NRG3: variants seen among roughly 807,000 people sequenced by gnomAD.
NRG3 encodes the protein neuregulin 3.
Under a neutral mutation model 66.9 loss-of-function variants are expected in NRG3, and 31 were observed. The ratio of observed to expected loss-of-function variants is 0.46; its 90% CI spans 0.35 to 0.63. The LOEUF (loss-of-function observed/expected upper bound fraction) is 0.63. Ranked by LOEUF, NRG3 falls within the 20% of genes least tolerant of loss-of-function variation. The probability of loss-of-function intolerance (pLI) is 0.00; values close to 1 mark genes in which losing one functional copy is unlikely to be tolerated. For synonymous variants in NRG3, 393 were observed against 359.4 expected (o/e 1.09, Z -1.06); for missense variants, 910 against 878.9 (o/e 1.04, Z -0.45).
intron 1 of NRG3, among the ~76,000 whole-genome samples, chr10:82,231,678 C>G (rs753497947): frequency 5.3e-5 from 8 of 152,074 alleles, no homozygotes; most frequent in Non-Finnish European, 1.0e-4. Context: ...ACAGAAATTT[C>G]AGGGCAAAAG....
At chr10:81,899,967 C>A (rs960411491) in intron 1 of NRG3, among the ~76,000 whole-genome samples, 6 of 150,290 alleles carry the variant, frequency 4.0e-5, no homozygotes, top group African/African-American at 1.5e-4. Context: ...CTAGGTTTTT[C>A]TTTCTTTTTT....
At chr10:82,919,073 G>GTGTA (rs1208242664) in intron 4 of NRG3, among the ~76,000 whole-genome samples, 4 of 147,740 alleles carry the variant, frequency 2.7e-5, no homozygotes, top group African/African-American at 1.0e-4. Context: ...GTGTGTGTGT[G>GTGTA]TGTGTGTGTG....
At chr10:82,315,802 A>T (rs547766329) in intron 1 of NRG3, among the ~76,000 whole-genome samples, 4 of 151,518 alleles carry the variant, frequency 2.6e-5, no homozygotes, top group African/African-American at 9.7e-5. Flanking sequence ...AGTAACTGGG[A>T]TTACAGGTGT....
chr10:82,551,752 C>G (rs73311951), intron 2 of NRG3, among the ~76,000 whole-genome samples: 16 of 152,112 alleles, frequency 1.1e-4, no homozygotes, highest in African/African-American at 3.9e-4. Flanking sequence ...CCAAGTGCTT[C>G]GTCTCAAACC....
At chr10:82,041,301 A>G (rs534806867) in intron 1 of NRG3, among the ~76,000 whole-genome samples, 7 of 152,158 alleles carry the variant, frequency 4.6e-5, no homozygotes, top group South Asian at 4.1e-4. Flanking sequence ...GCGCTTGTGC[A>G]TATGGATTAA....
rs1339796 is a variant in NRG3, at chr10:82,624,918, T to A, written c.954-113659T>A. Among the ~76,000 whole-genome samples the A allele has an allele frequency of 3.7e-3, 535 of 144,344 alleles. 10 individuals are homozygous for A. The highest frequency in any genetic ancestry group is 0.026 in the Admixed American group (364 of 14,182). 94.7% of individuals were successfully genotyped at this position (144,344 alleles called of 152,430 possible). Reference sequence around the variant, plus strand: ...ATAAATATAAATATATATATATATTTTATATATATATATATATAAAATGTG... The same window carrying A: ...ATAAATATAAATATATATATATATTATATATATATATATATATAAAATGTG... On this transcript the variant is annotated intron_variant, in intron 2 of 8. Coordinates refer to ENST00000372141, the MANE Select transcript of NRG3 (RefSeq NM_001010848.4).
intron 3 of NRG3, among the ~76,000 whole-genome samples, chr10:82,800,528 A>T (rs530200838): frequency 2.0e-5 from 3 of 152,190 alleles, no homozygotes; most frequent in Admixed American, 6.5e-5. Context: ...GTTATAGGGA[A>T]TGAGAGTGTG....
chr10:82,563,529 G>A (rs554360380), intron 2 of NRG3, among the ~76,000 whole-genome samples: 1 of 151,706 alleles, frequency 6.6e-6, no homozygotes, highest in Admixed American at 6.6e-5. Context: ...TAGTATTTAT[G>A]TATATTTTCA....
intron 2 of NRG3, among the ~76,000 whole-genome samples, chr10:82,371,474 C>G (rs984336796): frequency 6.6e-6 from 1 of 151,948 alleles, no homozygotes; most frequent in Non-Finnish European, 1.5e-5. Context: ...TTCAATGTTC[C>G]GAGTCCACTG....
intron 2 of NRG3, among the ~76,000 whole-genome samples, chr10:82,717,842 T>A (rs759540966): frequency 6.6e-6 from 1 of 150,670 alleles, no homozygotes; most frequent in Non-Finnish European, 1.5e-5. Flanking sequence ...TATGGTTCTA[T>A]TGAAAAGTCT....
At chr10:82,541,559 G>T (rs912462866) in intron 2 of NRG3, among the ~76,000 whole-genome samples, 5 of 152,142 alleles carry the variant, frequency 3.3e-5, no homozygotes, top group East Asian at 3.9e-4. Context: ...AACAGAACAG[G>T]ACAGGGATTT....
chr10:82,784,329 A>G (rs1378686714), intron 3 of NRG3, among the ~76,000 whole-genome samples: 1 of 151,060 alleles, frequency 6.6e-6, no homozygotes. Flanking sequence ...CACCAAAAGC[A>G]ATGGCAACAA....
At chr10:82,320,928 T>C (rs2081536812) in intron 1 of NRG3, among the ~76,000 whole-genome samples, 1 of 152,188 alleles carries the variant, frequency 6.6e-6, no homozygotes, top group Non-Finnish European at 1.5e-5. Context: ...CCATCACCTT[T>C]CCAGCTCCTC....
At chr10:82,528,040 C>T (rs563040775) in intron 2 of NRG3, among the ~76,000 whole-genome samples, 1 of 152,200 alleles carries the variant, frequency 6.6e-6, no homozygotes, top group South Asian at 2.1e-4. Context: ...ACCCTCCTTT[C>T]CCCCAGCCTT....
intron 2 of NRG3, among the ~76,000 whole-genome samples, chr10:82,597,497 GTCTGGGCT>G (rs1334334078): frequency 6.6e-6 from 1 of 152,122 alleles, no homozygotes; most frequent in African/African-American, 2.4e-5. Flanking sequence ...ATACATACAG[GTCTGGGCT>G]TCTGGGTGAA....
chr10:82,810,085 A>T (rs1281255561), intron 3 of NRG3, among the ~76,000 whole-genome samples: 3 of 152,076 alleles, frequency 2.0e-5, no homozygotes, highest in South Asian at 2.1e-4. Context: ...TTTGGCAATT[A>T]TGTGTCTTGT....
At chr10:82,786,906 T>C (rs1337251782) in intron 3 of NRG3, among the ~76,000 whole-genome samples, 1 of 152,156 alleles carries the variant, frequency 6.6e-6, no homozygotes, top group African/African-American at 2.4e-5. Context: ...TGTGCTGTCT[T>C]GCCCTTCCAC....
intron 3 of NRG3, among the ~76,000 whole-genome samples, chr10:82,771,804 C>T (rs999396871): frequency 6.6e-6 from 1 of 151,908 alleles, no homozygotes; most frequent in Admixed American, 6.6e-5. Flanking sequence ...TAAAAGTGAG[C>T]TCATTATTTT....
chr10:81,924,803 C>T (rs1287006319), intron 1 of NRG3, among the ~76,000 whole-genome samples: 2 of 152,252 alleles, frequency 1.3e-5, no homozygotes, highest in East Asian at 3.9e-4. Flanking sequence ...GCATCCATAA[C>T]AATGTGTACA....
Sources: allele counts gnomAD v4.1 joint callset (sites outside exome capture counted in the v4.1 genomes callset), GRCh38; gene constraint gnomAD v4.1.1; transcripts MANE v1.5; gene names NCBI Gene and HGNC (gene_info 2026-07-23, HGNC 2026-07-21).